The following PDCD1LG2 variants were observed in gnomAD, a reference collection of about 807,000 sequenced individuals.
PDCD1LG2 encodes programmed cell death 1 ligand 2, also known as B7 dendritic cell molecule.
In PDCD1LG2, 32 loss-of-function variants were observed where a neutral mutation model predicts 28.2. That is an observed-to-expected ratio of 1.13 (90% confidence interval 0.86 to 1.52). The LOEUF (loss-of-function observed/expected upper bound fraction) is 1.52. Ranked by LOEUF, PDCD1LG2 falls within the 40% of genes most tolerant of loss-of-function variation. The pLI is 0.00. For missense variants in PDCD1LG2, 385 were observed against 323.8 expected (o/e 1.19, Z -1.45); for synonymous variants, 116 against 120.2 (o/e 0.97, Z 0.23).
At chr9:5,549,661 T>C (rs944160107) in intron 4 of PDCD1LG2, 57 bp downstream of exon 4, 1 of 1,592,056 alleles carries the variant, frequency 6.3e-7, no homozygotes, top group Non-Finnish European at 8.6e-7. Context: ...AAGAAACAGA[T>C]GGCATACTCG....
chr9:5,522,546 C>T lies in PDCD1LG2; in HGVS notation c.-1C>T, dbSNP rs1035303012. On this transcript the variant is annotated 5_prime_UTR_variant, in exon 2 of 7. Coordinates refer to ENST00000397747, the MANE Select transcript of PDCD1LG2 (RefSeq NM_025239.4). The stretch of plus-strand genomic sequence containing the variant: ...TGTCTATTTCAGATCAAATACAGAA[C>T]ATGATCTTCCTCCTGCTAATGTTGA... 3.1e-6 allele frequency: 5 copies of T among 1,613,178 alleles called. No homozygotes were observed. In the African/African-American group the frequency reaches 5.3e-5, roughly 17 times the overall value.
chr9:5,557,771 T>C lies in PDCD1LG2; in HGVS notation c.766+19T>C. The C allele has an allele frequency of 1.9e-6, 3 of 1,613,498 alleles. No individual in the cohort carries two copies. Among genetic ancestry groups the C allele is most frequent in the South Asian group, 1.1e-5 (1 of 91,064 alleles). Reference sequence around the variant, plus strand: ...TCAAAAGGTAAGTGAGTTTTATTCATGGTAACCCAATGCACTGGGTGTCTG... The same window carrying C: ...TCAAAAGGTAAGTGAGTTTTATTCACGGTAACCCAATGCACTGGGTGTCTG... On this transcript the variant is annotated intron_variant, in intron 5 of 6. Coordinates refer to ENST00000397747, the MANE Select transcript of PDCD1LG2 (RefSeq NM_025239.4).
intron 2 of PDCD1LG2, among the ~76,000 whole-genome samples, chr9:5,525,327 A>G (rs1051425541): frequency 6.7e-6 from 1 of 148,882 alleles, no homozygotes; most frequent in African/African-American, 2.5e-5. Flanking sequence ...CCTGGGTGAC[A>G]GAGTGAGATT....
chr9:5,526,113 G>C (rs1211824736), intron 2 of PDCD1LG2, among the ~76,000 whole-genome samples: 1 of 151,834 alleles, frequency 6.6e-6, no homozygotes, highest in Non-Finnish European at 1.5e-5. Flanking sequence ...GTTACCTCTG[G>C]TGCAGGCAGA....
intron 1 of PDCD1LG2, among the ~76,000 whole-genome samples, chr9:5,511,297 G>C (rs912999183): frequency 6.6e-6 from 1 of 152,222 alleles, no homozygotes; most frequent in Non-Finnish European, 1.5e-5. Flanking sequence ...ATAACTTATA[G>C]AGGTAATCAT....
chr9:5,522,595 A>G lies in PDCD1LG2; in HGVS notation c.49A>G (p.Ile17Val). 6.2e-7 allele frequency: 1 copy of G among 1,613,716 alleles called. No individual in the cohort carries two copies. The highest frequency in any genetic ancestry group is 8.5e-7 in the Non-Finnish European group (1 of 1,179,654). ...GAGCCTGGAATTGCAGCTTCACCAG[A>G]TAGCAGGTAAGAAAGGACAAAGGGA... ...MLSLELQLHQ[I>V]AALFTVTVPK... The change falls in exon 2 of 7, where the codon ATA becomes GTA. Residue 17 changes from isoleucine to valine, a missense_variant. Coordinates refer to ENST00000397747, the MANE Select transcript of PDCD1LG2 (RefSeq NM_025239.4).
chr9:5,557,875 C>T, intron 5 of PDCD1LG2, 123 bp downstream of exon 5: 2 of 1,206,962 alleles, frequency 1.7e-6, no homozygotes, highest in Non-Finnish European at 2.4e-6. Flanking sequence ...TTATGAACCA[C>T]TTTGAGCTTG....
intron 6 of PDCD1LG2, among the ~76,000 whole-genome samples, chr9:5,566,286 C>T (rs1816664111): frequency 6.6e-6 from 1 of 152,202 alleles, no homozygotes; most frequent in Non-Finnish European, 1.5e-5. Flanking sequence ...CTTCACTAAC[C>T]AGCAACTGAA....
At chr9:5,541,931 C>G (rs12350851) in intron 3 of PDCD1LG2, among the ~76,000 whole-genome samples, 10,826 of 152,052 alleles carry the variant, frequency 0.071, 1,224 homozygotes, top group African/African-American at 0.24. Context: ...AACTTCAAAC[C>G]ATACTATAAC....
intron 5 of PDCD1LG2, 75 bp downstream of exon 5, chr9:5,557,827 C>A (rs2129923829): frequency 6.5e-7 from 1 of 1,544,044 alleles, no homozygotes; most frequent in Non-Finnish European, 8.9e-7. Flanking sequence ...CACTGCAGGC[C>A]TATGGCTTGC....
intron 4 of PDCD1LG2, 46 bp downstream of exon 4, chr9:5,549,650 C>A (rs1350027127): frequency 1.2e-6 from 2 of 1,602,458 alleles, no homozygotes; most frequent in Non-Finnish European, 1.7e-6. Context: ...AGGGTTCAGA[C>A]AAGAAACAGA....
intron 3 of PDCD1LG2, among the ~76,000 whole-genome samples, chr9:5,537,506 TAAGAA>T (rs1267174779): frequency 6.6e-6 from 1 of 152,184 alleles, no homozygotes; most frequent in African/African-American, 2.4e-5. Context: ...TAGACTGGAT[TAAGAA>T]AATGTGGCAC....
At chr9:5,538,337 C>T (rs573444065) in intron 3 of PDCD1LG2, among the ~76,000 whole-genome samples, 4 of 151,838 alleles carry the variant, frequency 2.6e-5, no homozygotes, top group Non-Finnish European at 4.4e-5. Flanking sequence ...GTTTTAGATG[C>T]ATATATTTTT....
At chr9:5,550,699 CTTT>C (rs201167086) in intron 4 of PDCD1LG2, among the ~76,000 whole-genome samples, 2 of 140,888 alleles carry the variant, frequency 1.4e-5, no homozygotes. Context: ...CTCTCTCTCT[CTTT>C]TTTTTTTTTG....
intron 4 of PDCD1LG2, among the ~76,000 whole-genome samples, chr9:5,554,672 T>G (rs542299620): frequency 6.6e-6 from 1 of 152,340 alleles, no homozygotes; most frequent in South Asian, 2.1e-4. Context: ...AGCCAGTTGT[T>G]GTATTTTCAT....
intron 3 of PDCD1LG2, among the ~76,000 whole-genome samples, chr9:5,542,146 T>C (rs1820699067): frequency 2.0e-5 from 3 of 152,132 alleles, no homozygotes; most frequent in African/African-American, 7.2e-5. Context: ...AAGAATAAAC[T>C]GGATCCTCAT....
rs1459777616 is a variant in PDCD1LG2, at chr9:5,557,754, T to C, written c.766+2T>C. On this transcript the variant is annotated splice_donor_variant, in intron 5 of 6. Transcript: ENST00000397747. LOFTEE classifies it high-confidence loss of function. ...GTCAAAAGCTGTATTCTTCAAAAGG[T>C]AAGTGAGTTTTATTCATGGTAACCC... 2.5e-6 allele frequency: 4 copies of C among 1,613,900 alleles called. No homozygotes were observed. The East Asian group carries it at 8.9e-5, about 36-fold the overall frequency.
chr9:5,529,118 TTAAC>T (rs1204031081), intron 2 of PDCD1LG2, among the ~76,000 whole-genome samples: 2 of 152,240 alleles, frequency 1.3e-5, no homozygotes, highest in African/African-American at 4.8e-5. Context: ...TTTCATTTTC[TTAAC>T]TGTGTCTTTT....
chr9:5,533,139 G>T (rs1440547396), intron 2 of PDCD1LG2, among the ~76,000 whole-genome samples: 1 of 152,196 alleles, frequency 6.6e-6, no homozygotes, highest in Admixed American at 6.5e-5. Context: ...TTGAATGAAT[G>T]AATAAATGAA....
Sources: allele counts gnomAD v4.1 joint callset (sites outside exome capture counted in the v4.1 genomes callset), GRCh38; gene constraint gnomAD v4.1.1; transcripts MANE v1.5; gene names NCBI Gene and HGNC (gene_info 2026-07-23, HGNC 2026-07-21).